AGBL4: variants seen among roughly 807,000 people sequenced by gnomAD.
The protein encoded by AGBL4 is cytosolic carboxypeptidase 6.
A neutral mutation model predicts 66.4 loss-of-function variants in AGBL4; 58 were observed. The ratio of observed to expected loss-of-function variants is 0.87; its 90% CI spans 0.71 to 1.09. The LOEUF is 1.09. AGBL4 is among the 50% of genes least tolerant of loss of function. The pLI is 0.00. For synonymous variants in AGBL4, 234 were observed against 222.9 expected (o/e 1.05, Z -0.44); for missense variants, 579 against 631.0 (o/e 0.92, Z 0.88).
intron 5 of AGBL4, among the ~76,000 whole-genome samples, chr1:48,936,222 C>T (rs1409291983): frequency 1.3e-5 from 2 of 151,946 alleles, no homozygotes; most frequent in Admixed American, 1.3e-4. Flanking sequence ...GCTTGAGCAC[C>T]ACTCCACTCC....
At chr1:49,872,513 T>C (rs1400415374) in intron 1 of AGBL4, among the ~76,000 whole-genome samples, 3 of 152,066 alleles carry the variant, frequency 2.0e-5, no homozygotes, top group Admixed American at 1.3e-4. Context: ...AAGTAAAAAA[T>C]GTCACTTTCT....
intron 3 of AGBL4, among the ~76,000 whole-genome samples, chr1:49,451,614 C>T (rs1646279233): frequency 1.3e-5 from 2 of 151,922 alleles, no homozygotes; most frequent in African/African-American, 4.8e-5. Flanking sequence ...TTGACCACCC[C>T]ACCTGCAAAC....
rs1491554531 is a variant in AGBL4, at chr1:49,948,181, T to TATATGTAA, written c.34+75581_34+75582insTTACATAT. Among the ~76,000 whole-genome samples, 406 of 96,686 alleles carry TATATGTAA rather than the reference T, an allele frequency of 4.2e-3. 5 individuals carry two copies. Among genetic ancestry groups the TATATGTAA allele is most frequent in the Middle Eastern group, 0.012 (1 of 84 alleles). 63.4% of individuals were successfully genotyped at this position (96,686 alleles called of 152,430 possible). A position where few individuals can be genotyped will look rare whatever the true frequency, so the allele number is the denominator to read the frequency against. ...ACGTAAATATATAAATATATATAAC[T>TATATGTAA]ATATATAAATATATATAAATATAAA... is the stretch of plus-strand genomic sequence containing the variant. On this transcript the variant is annotated intron_variant, in intron 1 of 13. Coordinates refer to ENST00000371839, the MANE Select transcript of AGBL4 (RefSeq NM_032785.4).
At chr1:50,016,187 G>C (rs905100107) in intron 1 of AGBL4, among the ~76,000 whole-genome samples, 8 of 152,196 alleles carry the variant, frequency 5.3e-5, no homozygotes, top group African/African-American at 1.7e-4. Flanking sequence ...AGAGTAATCA[G>C]ACAACCTACA....
At chr1:49,050,599 T>C (rs1490771576) in intron 4 of AGBL4, among the ~76,000 whole-genome samples, 1 of 134,900 alleles carries the variant, frequency 7.4e-6, no homozygotes, top group African/African-American at 3.8e-5. Context: ...AAAACCTCCT[T>C]GCCTTTTTAA....
intron 4 of AGBL4, among the ~76,000 whole-genome samples, chr1:49,143,858 C>T (rs1249013563): frequency 6.6e-6 from 1 of 152,198 alleles, no homozygotes; most frequent in Admixed American, 6.6e-5. Flanking sequence ...AGCAGTGACT[C>T]TCACCATTTT....
At chr1:49,192,971 A>G (rs1647151916) in intron 4 of AGBL4, among the ~76,000 whole-genome samples, 1 of 151,838 alleles carries the variant, frequency 6.6e-6, no homozygotes, top group East Asian at 1.9e-4. Flanking sequence ...GCTTCCAGAA[A>G]TTCATCCATT....
intron 5 of AGBL4, among the ~76,000 whole-genome samples, chr1:48,902,766 G>A (rs1049220128): frequency 2.6e-5 from 4 of 151,958 alleles, no homozygotes; most frequent in Non-Finnish European, 4.4e-5. Flanking sequence ...TTTGCCTTTG[G>A]CAATTGAACC....
At chr1:48,595,503 T>C (rs2148354836) in intron 9 of AGBL4, among the ~76,000 whole-genome samples, 1 of 152,316 alleles carries the variant, frequency 6.6e-6, no homozygotes, top group South Asian at 2.1e-4. Flanking sequence ...GAATTACAAT[T>C]TGGGAATGAG....
chr1:49,595,304 T>G (rs998022624), intron 3 of AGBL4, among the ~76,000 whole-genome samples: 42 of 152,106 alleles, frequency 2.8e-4, no homozygotes, highest in African/African-American at 9.9e-4. Flanking sequence ...TTAGCCAGGA[T>G]GGTCTTGATC....
At chr1:48,613,898 A>G (rs1645278673) in intron 9 of AGBL4, among the ~76,000 whole-genome samples, 1 of 152,246 alleles carries the variant, frequency 6.6e-6, no homozygotes. Flanking sequence ...CATTTTTCCC[A>G]TTCTCAAGGT....
rs113246726 is a variant in AGBL4 at position 49,343,206 on chromosome 1, T to G, written c.283-97342A>C. Among the ~76,000 whole-genome samples the G allele has an allele frequency of 2.0e-3, 310 of 152,218 alleles. 4 individuals carry two copies. The highest frequency in any genetic ancestry group is 6.9e-3 in the African/African-American group (288 of 41,540). On this transcript the variant is annotated intron_variant, in intron 3 of 13. Coordinates refer to ENST00000371839, the MANE Select transcript of AGBL4 (RefSeq NM_032785.4). ...GGACCTAAGGTGAATTCTGACAGCA[T>G]AGGACTCCTTGGGAGAAATAGAGAA... is the stretch of plus-strand genomic sequence containing the variant.
At chr1:49,495,962 T>G (rs968350466) in intron 3 of AGBL4, among the ~76,000 whole-genome samples, 1 of 152,090 alleles carries the variant, frequency 6.6e-6, no homozygotes, top group South Asian at 2.1e-4. Flanking sequence ...GGTATGGACA[T>G]AGAGGGATAG....
intron 2 of AGBL4, among the ~76,000 whole-genome samples, chr1:49,701,612 C>G (rs922071968): frequency 6.6e-6 from 1 of 151,580 alleles, no homozygotes; most frequent in African/African-American, 2.4e-5. Context: ...CCAAAGAAAG[C>G]AGAATAAAGA....
Position 49,997,464 on chromosome 1 carries a change from G to A in AGBL4, c.34+26299C>T, listed in dbSNP as rs12038775. ...ACAGCAGTTAAAAAAGACAAAGAGGGACATTATATAACAATGAAAAGACTA... is the reference window on the plus strand; with the variant it reads ...ACAGCAGTTAAAAAAGACAAAGAGGAACATTATATAACAATGAAAAGACTA... On this transcript the variant is annotated intron_variant, in intron 1 of 13. Transcript: ENST00000371839. Among the ~76,000 whole-genome samples the A allele has an allele frequency of 8.2e-3, 1,243 of 152,118 alleles. 9 individuals are homozygous for A. The highest frequency in any genetic ancestry group is 0.031 in the Middle Eastern group (9 of 294).
At chr1:49,898,066 A>G (rs1187089784) in intron 1 of AGBL4, among the ~76,000 whole-genome samples, 1 of 152,188 alleles carries the variant, frequency 6.6e-6, no homozygotes, top group East Asian at 1.9e-4. Flanking sequence ...AGATTTCTTG[A>G]GCAATACCCC....
chr1:49,786,151 C>T (rs536992520), intron 2 of AGBL4, among the ~76,000 whole-genome samples: 55 of 150,486 alleles, frequency 3.7e-4, no homozygotes, highest in Admixed American at 5.9e-4. Context: ...ACCCCAAATT[C>T]CATGATGCAG....
At chr1:48,527,989 T>C (rs1021791939), downstream of AGBL4, among the ~76,000 whole-genome samples, 3 of 152,068 alleles carry the variant, frequency 2.0e-5, no homozygotes, top group Admixed American at 6.5e-5. Context: ...GGGAGGCCAT[T>C]CCAGCAATCC....
At chr1:49,581,907 G>A (rs1292064315) in intron 3 of AGBL4, among the ~76,000 whole-genome samples, 1 of 152,164 alleles carries the variant, frequency 6.6e-6, no homozygotes, top group Non-Finnish European at 1.5e-5. Flanking sequence ...GATGCCATAG[G>A]CAATGGTGGT....
Sources: allele counts gnomAD v4.1 joint callset (sites outside exome capture counted in the v4.1 genomes callset), GRCh38; gene constraint gnomAD v4.1.1; transcripts MANE v1.5; gene names NCBI Gene and HGNC (gene_info 2026-07-23, HGNC 2026-07-21).